ANKS6: variants seen among roughly 807,000 people sequenced by gnomAD.
ANKS6 encodes ankyrin repeat and SAM domain-containing protein 6.
A neutral mutation model predicts 77.9 loss-of-function variants in ANKS6; 47 were observed. That is an observed-to-expected ratio of 0.60 (90% CI 0.48 to 0.77). ANKS6 has a LOEUF of 0.77. ANKS6 is among the 30% of genes least tolerant of loss of function. The probability of loss-of-function intolerance (pLI) is 0.00; values close to 1 mark genes in which losing one functional copy is unlikely to be tolerated. For missense variants in ANKS6, 1,150 were observed against 1,159.1 expected (o/e 0.99, Z 0.11); for synonymous variants, 488 against 501.7 (o/e 0.97, Z 0.37).
Position 98,735,276 on chromosome 9 carries a change from C to A in ANKS6, c.*1243G>T, listed in dbSNP as rs146059953. The A allele has an allele frequency of 4.9e-4, 483 of 991,708 alleles. 2 individuals carry two copies. The African/African-American group carries it at 7.7e-3, about 16-fold the overall frequency. 61.4% of individuals were successfully genotyped at this position (991,708 alleles called of 1,614,324 possible). ...ACCATGCTGCCTCTCAATGTCGGGA[C>A]CATCTATTTACAGGTGTTCTCTTGC... On this transcript the variant is annotated 3_prime_UTR_variant, in exon 15 of 15. Coordinates refer to ENST00000353234, the MANE Select transcript of ANKS6 (RefSeq NM_173551.5).
rs1309744114 is a variant in ANKS6 at position 98,733,035 on chromosome 9, C to CTG, written c.*3482_*3483dup. On this transcript the variant is annotated 3_prime_UTR_variant, in exon 15 of 15. Transcript: ENST00000353234. Reference sequence around the variant, plus strand: ...GCCATCATCGATGACTTTCCCTGAGCTGTATACCCAGCAGGCTTCATCACC... The same window carrying CTG: ...GCCATCATCGATGACTTTCCCTGAGCTGTGTATACCCAGCAGGCTTCATCACC... The CTG allele has an allele frequency of 9.5e-6, 8 of 845,550 alleles. No individual in the cohort carries two copies. In the African/African-American group the frequency reaches 1.5e-4, roughly 16 times the overall value. The allele number at this position is 845,550 out of a possible 1,614,324, so 52.4% of individuals were successfully genotyped here.
In ANKS6 at chr9:98,732,355, G is replaced by A. The variant is rs566028930; in HGVS notation, c.*4164C>T. The A allele has an allele frequency of 6.7e-5, 63 of 934,688 alleles. No individual in the cohort carries two copies. The South Asian group carries it at 7.6e-4, about 11-fold the overall frequency. The allele number at this position is 934,688 out of a possible 1,614,324, so 57.9% of individuals were successfully genotyped here. Reference sequence around the variant, plus strand: ...TTTTACCCGCTGGATCAGCTTCTACGACTTGGTCAAACTATCTTTCTTTCT... The same window carrying A: ...TTTTACCCGCTGGATCAGCTTCTACAACTTGGTCAAACTATCTTTCTTTCT... On this transcript the variant is annotated 3_prime_UTR_variant, in exon 15 of 15. Coordinates refer to ENST00000353234, the MANE Select transcript of ANKS6 (RefSeq NM_173551.5).
chr9:98,737,413 G>A (rs1415701462), intron 14 of ANKS6, among the ~76,000 whole-genome samples: 1 of 152,088 alleles, frequency 6.6e-6, no homozygotes, highest in Non-Finnish European at 1.5e-5. Context: ...CAAATCAGTA[G>A]CTCTTCTATA....
rs1834908893 is a variant in ANKS6 at position 98,791,651 on chromosome 9, C to T, written c.360-1045G>A. On this transcript the variant is annotated intron_variant, in intron 1 of 14. Transcript: ENST00000353234. This position sits in a 1 kb window ranked among gnomAD's most constrained non-coding sequence, Gnocchi z 4.3. Reference sequence around the variant, plus strand: ...GCTGTCTACTCCAGGTTTTCGAGACCACAAAGCCACTGTCATGTCTGCATC... The same window carrying T: ...GCTGTCTACTCCAGGTTTTCGAGACTACAAAGCCACTGTCATGTCTGCATC... 6.6e-6 allele frequency among the ~76,000 whole-genome samples: 1 copy of T among 152,130 alleles called. No individual in the cohort carries two copies. Among genetic ancestry groups the T allele is most frequent in the Admixed American group, 6.5e-5 (1 of 15,268 alleles).
chr9:98,796,372 G>T lies in ANKS6; in HGVS notation c.120C>A (p.Gly40=). The T allele has an allele frequency of 9.7e-7, 1 of 1,036,012 alleles. No homozygotes were observed. The highest frequency in any genetic ancestry group is 1.2e-6 in the Non-Finnish European group (1 of 865,034). 64.2% of individuals were successfully genotyped at this position (1,036,012 alleles called of 1,614,324 possible). ...GCTCCGCGCCCGCCTCCGGCTCCGC[G>T]CCGCGCTCGGCTGGCTCCGCCGCCC... is the stretch of plus-strand genomic sequence containing the variant. ...EPGAAEPAER[G]AEPEAGAEPA... Residue 40 remains glycine (G), a synonymous_variant, in exon 1 of 15, where the codon GGC becomes GGA. Coordinates refer to ENST00000353234, the MANE Select transcript of ANKS6 (RefSeq NM_173551.5).
chr9:98,768,901 G>A (rs778910002), intron 10 of ANKS6, among the ~76,000 whole-genome samples: 7 of 152,080 alleles, frequency 4.6e-5, no homozygotes, highest in African/African-American at 7.2e-5. Flanking sequence ...AGGCCGAGGC[G>A]GGCAGATCAC....
chr9:98,755,810 T>G (rs1832669954), intron 12 of ANKS6, among the ~76,000 whole-genome samples: 1 of 152,166 alleles, frequency 6.6e-6, no homozygotes, highest in South Asian at 2.1e-4. Context: ...CCTAGGTCAT[T>G]ATAAATACAG....
intron 2 of ANKS6, among the ~76,000 whole-genome samples, chr9:98,788,572 G>A (rs1197282326): frequency 2.0e-5 from 3 of 152,208 alleles, no homozygotes; most frequent in Non-Finnish European, 4.4e-5. Flanking sequence ...ATTTCTAATA[G>A]CAAGCCTTTA....
In ANKS6 at chr9:98,771,010, T is replaced by C; in HGVS notation, c.1858A>G (p.Arg620Gly). 1 of 1,592,800 alleles carries C rather than the reference T, an allele frequency of 6.3e-7. No individual in the cohort carries two copies. The highest frequency in any genetic ancestry group is 8.5e-7 in the Non-Finnish European group (1 of 1,169,710). The change falls in exon 10 of 15, where the codon AGA becomes GGA. Residue 620 changes from arginine to glycine, a missense_variant. By Grantham distance (125) the Arg-to-Gly change is moderately radical. Transcript: ENST00000353234. ...VRPVKFPSLP[R>G]SPASSANSGN... is the part of the protein sequence containing the mutation. ...GAATTGGCAGAAGAGGCTGGGCTTC[T>C]GGGGAGGCTTGGAAATTTAACAGGC...
rs1376002552 is a variant in ANKS6 at position 98,732,594 on chromosome 9, G to A, written c.*3925C>T. The A allele has an allele frequency of 2.6e-6, 4 of 1,550,388 alleles. No individual in the cohort carries two copies. The South Asian group carries it at 4.8e-5, about 18-fold the overall frequency. On this transcript the variant is annotated 3_prime_UTR_variant, in exon 15 of 15. Transcript: ENST00000353234. ...AGGGAGAGAAGAAAGAGAGATGAGA[G>A]ATGAAAGGATTTAAAATGGGCAACC...
rs1445591792 is a variant in ANKS6 at position 98,735,997 on chromosome 9, C to CATA, written c.*519_*521dup. 2.6e-5 allele frequency: 32 copies of CATA among 1,221,154 alleles called. No homozygotes were observed. The highest frequency in any genetic ancestry group is 3.0e-5 in the Non-Finnish European group (29 of 981,550). The allele number at this position is 1,221,154 out of a possible 1,614,324, so 75.6% of individuals were successfully genotyped here. A position where few individuals can be genotyped will look rare whatever the true frequency, so the allele number is the denominator to read the frequency against. On this transcript the variant is annotated 3_prime_UTR_variant, in exon 15 of 15. Transcript: ENST00000353234. ...GGAAGGCTAACCTCTCACCATAATACATACCCCCCATCTAAGTCAAAAGTT... is the reference window on the plus strand; with the variant it reads ...GGAAGGCTAACCTCTCACCATAATACATAATACCCCCCATCTAAGTCAAAAGTT...
chr9:98,739,757 C>CTTTTTTTTTTTTTTTT (rs1338507769), intron 14 of ANKS6, among the ~76,000 whole-genome samples: 1 of 51,068 alleles, frequency 2.0e-5, no homozygotes, highest in African/African-American at 1.5e-4. Flanking sequence ...GTGGATTAAA[C>CTTTTTTTTTTTTTTTT]ATTTTTTTTT....
At chr9:98,762,420 T>G (rs1313882810) in intron 11 of ANKS6, among the ~76,000 whole-genome samples, 1 of 152,192 alleles carries the variant, frequency 6.6e-6, no homozygotes, top group Non-Finnish European at 1.5e-5. Flanking sequence ...CCTTTTATTT[T>G]TCTTGCCTTA....
At chr9:98,745,326 T>G (rs1832062355) in intron 14 of ANKS6, among the ~76,000 whole-genome samples, 1 of 152,188 alleles carries the variant, frequency 6.6e-6, no homozygotes. Flanking sequence ...GCTTTCACAG[T>G]GCTCCCGAGG....
chr9:98,789,398 TCTTTA>T (rs1350217649), intron 2 of ANKS6, among the ~76,000 whole-genome samples: 2 of 145,644 alleles, frequency 1.4e-5, no homozygotes, highest in African/African-American at 5.1e-5. Flanking sequence ...TTTAGACAAC[TCTTTA>T]CATGCCAGAG....
chr9:98,772,655 AG>A (rs1162588715), intron 9 of ANKS6, among the ~76,000 whole-genome samples: 1 of 152,334 alleles, frequency 6.6e-6, no homozygotes, highest in Admixed American at 6.5e-5. Flanking sequence ...GCCCAGAATG[AG>A]GCCCCTCTGC....
chr9:98,791,527 G>T lies in ANKS6; in HGVS notation c.360-921C>A, dbSNP rs879021255. On this transcript the variant is annotated intron_variant, in intron 1 of 14. Transcript: ENST00000353234. This position sits in a 1 kb window ranked among gnomAD's most constrained non-coding sequence, Gnocchi z 4.3. Reference sequence around the variant, plus strand: ...TTCCTTCTTTTAACACCAGAGGGCAGAAAAGTTCTGTTTTGTGGTGTCTCT... The same window carrying T: ...TTCCTTCTTTTAACACCAGAGGGCATAAAAGTTCTGTTTTGTGGTGTCTCT... 6.6e-6 allele frequency among the ~76,000 whole-genome samples: 1 copy of T among 152,188 alleles called. No homozygotes were observed. Among genetic ancestry groups the T allele is most frequent in the Admixed American group, 6.5e-5 (1 of 15,280 alleles).
chr9:98,773,586 C>T (rs981171683), intron 9 of ANKS6, among the ~76,000 whole-genome samples: 1 of 152,174 alleles, frequency 6.6e-6, no homozygotes, highest in Non-Finnish European at 1.5e-5. Context: ...GTTTCCTCAT[C>T]TACTAAAAGG....
At chr9:98,790,067 G>C (rs755692224) in intron 2 of ANKS6, 37 bp downstream of exon 2, 2 of 1,522,592 alleles carry the variant, frequency 1.3e-6, no homozygotes, top group Non-Finnish European at 1.8e-6. Flanking sequence ...CACAATTTGG[G>C]GTCCTCTGTG....
Sources: allele counts gnomAD v4.1 joint callset (sites outside exome capture counted in the v4.1 genomes callset), GRCh38; gene constraint gnomAD v4.1.1; non-coding constraint Gnocchi (gnomAD v3.1); transcripts MANE v1.5; gene names NCBI Gene and HGNC (gene_info 2026-07-23, HGNC 2026-07-21).